Variants in RBFOX1 observed in about 807,000 individuals in gnomAD.
RBFOX1 encodes RNA binding fox-1 homolog 1, also known as RNA binding protein fox-1 homolog 1.
In RBFOX1, 8 loss-of-function variants were observed where a neutral mutation model predicts 57.7. That is an observed-to-expected ratio of 0.14 (90% CI 0.08 to 0.25). RBFOX1 has a LOEUF of 0.25. Among genes scored for constraint, RBFOX1 ranks in the 10% least tolerant of loss-of-function variants. The probability of loss-of-function intolerance (pLI) is 1.00; values close to 1 mark genes in which losing one functional copy is unlikely to be tolerated. For synonymous variants in RBFOX1, 326 were observed against 222.4 expected, an observed-to-expected ratio of 1.47 and a Z score of -4.15; for missense variants, 611 against 548.5, an observed-to-expected ratio of 1.11 and a Z score of -1.14.
intron 2 of RBFOX1, among the ~76,000 whole-genome samples, chr16:6,319,791 C>T (rs1391729435): frequency 6.6e-6 from 1 of 152,154 alleles, no homozygotes; most frequent in Non-Finnish European, 1.5e-5. Flanking sequence ...GGAACTTAAG[C>T]CTCAGCATGA....
intron 4 of RBFOX1, among the ~76,000 whole-genome samples, chr16:7,234,596 G>A (rs56178418): frequency 4.3e-5 from 6 of 138,804 alleles, no homozygotes; most frequent in African/African-American, 1.6e-4. Flanking sequence ...ATATGTGTGT[G>A]TGTGTGTGTG....
At chr16:6,633,297 G>T (rs1044003073) in intron 2 of RBFOX1, among the ~76,000 whole-genome samples, 4 of 151,932 alleles carry the variant, frequency 2.6e-5, no homozygotes, top group African/African-American at 9.7e-5. Context: ...TTTTTTTTGA[G>T]ACAGAGTGTC....
At chr16:6,764,339 AG>A (rs2077034789) in intron 3 of RBFOX1, among the ~76,000 whole-genome samples, 1 of 152,210 alleles carries the variant, frequency 6.6e-6, no homozygotes, top group African/African-American at 2.4e-5. Flanking sequence ...ACCCTTTTAA[AG>A]GGAAAACCTG....
At chr16:5,861,997 G>C (rs1054503211) in intron 3 of RBFOX1, among the ~76,000 whole-genome samples, 25 of 152,176 alleles carry the variant, frequency 1.6e-4, no homozygotes, top group Non-Finnish European at 1.5e-5. Flanking sequence ...GAGAGGACAG[G>C]AATTCTCAGG....
At chr16:6,757,927 A>G (rs927565030) in intron 3 of RBFOX1, among the ~76,000 whole-genome samples, 1 of 152,212 alleles carries the variant, frequency 6.6e-6, no homozygotes, top group South Asian at 2.1e-4. Context: ...ATTATTATGC[A>G]TTAGTAAAAA....
At chr16:6,119,205 C>T (rs928867760) in intron 1 of RBFOX1, among the ~76,000 whole-genome samples, 3 of 151,776 alleles carry the variant, frequency 2.0e-5, no homozygotes, top group Non-Finnish European at 4.4e-5. Context: ...TGAATATGAG[C>T]TGTTTATAAT....
At chr16:7,085,115 T>G (rs80277192) in intron 4 of RBFOX1, among the ~76,000 whole-genome samples, 2,202 of 150,920 alleles carry the variant, frequency 0.015, 57 homozygotes, top group African/African-American at 0.051. Flanking sequence ...GTGTGTGTGT[T>G]TGTGTGTGTA....
chr16:6,218,277 TTTTA>T (rs57435796), intron 1 of RBFOX1, among the ~76,000 whole-genome samples: 142,259 of 150,744 alleles, frequency 0.94, 67,307 homozygotes, highest in South Asian at 1. Flanking sequence ...AGTGAAGTCT[TTTTA>T]TTTATTTATT....
chr16:6,472,847 A>T (rs1213656130), intron 2 of RBFOX1, among the ~76,000 whole-genome samples: 1 of 151,488 alleles, frequency 6.6e-6, no homozygotes, highest in Non-Finnish European at 1.5e-5. Flanking sequence ...CTGGTCTCGA[A>T]CTCCCAACCT....
chr16:7,185,676 T>G (rs989598346), intron 4 of RBFOX1, among the ~76,000 whole-genome samples: 1 of 152,218 alleles, frequency 6.6e-6, no homozygotes, highest in African/African-American at 2.4e-5. Flanking sequence ...GGCCTAGTTA[T>G]GCGGTTTATC....
intron 4 of RBFOX1, among the ~76,000 whole-genome samples, chr16:7,078,863 CTTTTTTTT>C (rs57410575): frequency 1.9e-5 from 1 of 52,738 alleles, no homozygotes; most frequent in Admixed American, 3.5e-4. Context: ...ATATATATAC[CTTTTTTTT>C]TTTTTTTTTT....
intron 4 of RBFOX1, among the ~76,000 whole-genome samples, chr16:7,503,966 T>C (rs1252137514): frequency 2.6e-5 from 4 of 152,326 alleles, no homozygotes; most frequent in East Asian, 3.9e-4. Flanking sequence ...ATTATAGTTA[T>C]GCAAGAGGTT....
At chr16:7,069,361 C>T (rs2056843615) in intron 4 of RBFOX1, among the ~76,000 whole-genome samples, 2 of 152,106 alleles carry the variant, frequency 1.3e-5, no homozygotes, top group Admixed American at 1.3e-4. Flanking sequence ...CATCAGTCTC[C>T]CCAAAGAGGC....
Position 6,715,420 on chromosome 16 carries a change from C to T in RBFOX1, c.-16+60770C>T, listed in dbSNP as rs118109758. 3.8e-3 allele frequency among the ~76,000 whole-genome samples: 578 copies of T among 152,212 alleles called. 4 individuals carry two copies. The highest frequency in any genetic ancestry group is 5.6e-3 in the Admixed American group (85 of 15,280). ...ATTATAAATATGTGATGCCATTTAA[C>T]ATAGCAAGCCATCAGGTTAGTAAAC... On this transcript the variant is annotated intron_variant, in intron 3 of 15. Coordinates refer to ENST00000550418, the MANE Select transcript of RBFOX1 (RefSeq NM_018723.4).
chr16:6,788,078 C>A (rs114236065), intron 3 of RBFOX1, among the ~76,000 whole-genome samples: 1 of 152,004 alleles, frequency 6.6e-6, no homozygotes, highest in African/African-American at 2.4e-5. Flanking sequence ...CAAAATTTGG[C>A]AGGTGTGGTG....
At chr16:7,629,839 G>A (rs926032713) in intron 10 of RBFOX1, among the ~76,000 whole-genome samples, 1 of 152,232 alleles carries the variant, frequency 6.6e-6, no homozygotes, top group Non-Finnish European at 1.5e-5. Flanking sequence ...TTTGCAGGAT[G>A]AGCTAGGCAG....
chr16:5,872,090 T>C (rs906756352), intron 4 of RBFOX1, among the ~76,000 whole-genome samples: 3 of 152,148 alleles, frequency 2.0e-5, no homozygotes, highest in African/African-American at 7.2e-5. Flanking sequence ...AAATTGGGGG[T>C]TGCAGAGCCC....
chr16:6,830,042 A>G (rs537182472), intron 3 of RBFOX1, among the ~76,000 whole-genome samples: 45 of 152,026 alleles, frequency 3.0e-4, no homozygotes, highest in Non-Finnish European at 4.4e-4. Flanking sequence ...TCAGCCTCCC[A>G]AGTAACTAGG....
chr16:7,697,455 G>A (rs190315043), intron 14 of RBFOX1, among the ~76,000 whole-genome samples: 61 of 152,160 alleles, frequency 4.0e-4, no homozygotes, highest in African/African-American at 1.4e-3. Flanking sequence ...ACTCTCCAAG[G>A]TGTAATAGTA....
Sources: gnomAD v4.1 joint callset for allele counts (sites outside exome capture counted in the v4.1 genomes callset) on GRCh38, gnomAD v4.1.1 for gene constraint, MANE v1.5 for transcripts, NCBI Gene and HGNC (gene_info 2026-07-23, HGNC 2026-07-21) for gene names.